SRGAP2B: variants seen among roughly 807,000 people sequenced by gnomAD.
The protein encoded by SRGAP2B is SLIT-ROBO Rho GTPase-activating protein 2B.
Under a neutral mutation model 22.2 loss-of-function variants are expected in SRGAP2B, and 9 were observed. The observed-to-expected ratio is 0.41, with a 90% CI of 0.24 to 0.71. The LOEUF is 0.71. Among genes scored for constraint, SRGAP2B ranks in the 30% least tolerant of loss-of-function variants. The probability of loss-of-function intolerance (pLI) is 0.35; values close to 1 mark genes in which losing one functional copy is unlikely to be tolerated. For missense variants in SRGAP2B, 114 were observed against 235.8 expected, an observed-to-expected ratio of 0.48 and a Z score of 3.38; for synonymous variants, 36 against 87.4, an observed-to-expected ratio of 0.41 and a Z score of 3.28.
intron 2 of SRGAP2B, among the ~76,000 whole-genome samples, chr1:144,998,819 C>T (rs1670898231): frequency 6.6e-6 from 1 of 150,872 alleles, no homozygotes; most frequent in African/African-American, 2.5e-5. Context: ...GCCTTAGGCG[C>T]TGCTGCTGCT....
chr1:144,939,606 C>A lies in SRGAP2B; in HGVS notation c.423+15833G>T, dbSNP rs587716842. 1.1e-4 allele frequency among the ~76,000 whole-genome samples: 16 copies of A among 146,046 alleles called. No individual in the cohort carries two copies. In the South Asian group the frequency reaches 3.3e-3, roughly 30 times the overall value. The stretch of plus-strand genomic sequence containing the variant: ...TGCCAACTTGAATACCGAGCAATTA[C>A]AGACAATAAAATAATATTATTAAAC... On this transcript the variant is annotated intron_variant, in intron 4 of 9. Transcript: ENST00000612199.
chr1:144,969,138 A>C (rs1553612796), intron 3 of SRGAP2B, among the ~76,000 whole-genome samples: 5 of 104,452 alleles, frequency 4.8e-5, no homozygotes, highest in Non-Finnish European at 7.2e-5. Flanking sequence ...AATTGGAAAA[A>C]ACTACTTTAA....
At position 145,023,741 on chromosome 1, in the gene SRGAP2B, T is replaced by G. The variant is rs1313807673; in HGVS notation, c.68-28541A>C. Among the ~76,000 whole-genome samples, 8 of 138,560 alleles carry G rather than the reference T, an allele frequency of 5.8e-5. 1 individual carries two copies. The highest frequency in any genetic ancestry group is 2.1e-4 in the African/African-American group (8 of 38,400). The allele number at this position is 138,560 out of a possible 152,430, so 90.9% of individuals were successfully genotyped here. On this transcript the variant is annotated intron_variant, in intron 2 of 9. Coordinates refer to ENST00000612199, the Ensembl canonical transcript of SRGAP2B. The stretch of plus-strand genomic sequence containing the variant: ...CAAATCTTTACTGAGCACCTACTAC[T>G]ATGCCCTGCGGGGAAAGACAAAAAA...
rs1671992351 is a variant in SRGAP2B, at chr1:145,010,731, C to T, written c.68-15531G>A. ...TCTGTTTATGTGTACCAAATGTTAACACTGGAAGAGAAAGTCCATACGCAC... is the reference window on the plus strand; with the variant it reads ...TCTGTTTATGTGTACCAAATGTTAATACTGGAAGAGAAAGTCCATACGCAC... On this transcript the variant is annotated intron_variant, in intron 2 of 9. Transcript: ENST00000612199. Among the ~76,000 whole-genome samples, 2 of 150,628 alleles carry T rather than the reference C, an allele frequency of 1.3e-5. 1 individual carries two copies. Among genetic ancestry groups the T allele is most frequent in the African/African-American group, 5.0e-5 (2 of 40,156 alleles).
rs6699793 is a variant in SRGAP2B, at chr1:145,015,626, G to A, written c.68-20426C>T. On this transcript the variant is annotated intron_variant, in intron 2 of 9. Transcript: ENST00000612199. The stretch of plus-strand genomic sequence containing the variant: ...CAAGAGGCTCGCAGAGGAGCTAGAC[G>A]TAAAGGATTGGAATTACCTATGGGA... Among the ~76,000 whole-genome samples the A allele has an allele frequency of 3.9e-3, 593 of 150,414 alleles. 16 individuals carry two copies. Among genetic ancestry groups the A allele is most frequent in the African/African-American group, 0.014 (556 of 40,036 alleles).
chr1:144,902,917 CG>C (rs1213269900), intron 7 of SRGAP2B, among the ~76,000 whole-genome samples: 27 of 60,224 alleles, frequency 4.5e-4, no homozygotes, highest in East Asian at 1.7e-3. Flanking sequence ...TCTTAGCAGA[CG>C]TTTTTTTTTT....
chr1:144,939,705 A>C lies in SRGAP2B; in HGVS notation c.423+15734T>G, dbSNP rs187634176. 5.4e-5 allele frequency among the ~76,000 whole-genome samples: 8 copies of C among 149,280 alleles called. No homozygotes were observed. The East Asian group carries it at 1.6e-3, about 29-fold the overall frequency. On this transcript the variant is annotated intron_variant, in intron 4 of 9. Transcript: ENST00000612199. ...AAGCAATACTTTTTTTTTTTCCTTC[A>C]GTCCCTGAAAGCTCAGGTAGACTAT... is the stretch of plus-strand genomic sequence containing the variant.
In SRGAP2B at chr1:144,911,671, G is replaced by T. The variant is rs1310861638; in HGVS notation, c.486+3021C>A. Among the ~76,000 whole-genome samples the T allele has an allele frequency of 2.0e-5, 3 of 147,774 alleles. 1 individual carries two copies. Among genetic ancestry groups the T allele is most frequent in the African/African-American group, 7.8e-5 (3 of 38,632 alleles). ...CTTGCTCTGTCCCCCAGGCTGGAGT[G>T]CAGTGGCACGATCTTGGCTCACTGC... On this transcript the variant is annotated intron_variant, in intron 5 of 9. Transcript: ENST00000612199.
chr1:144,913,764 GAAGAA>G (rs1426044486), intron 5 of SRGAP2B, among the ~76,000 whole-genome samples: 2 of 111,152 alleles, frequency 1.8e-5, no homozygotes, highest in Non-Finnish European at 3.6e-5. Context: ...AAAAACAAAG[GAAGAA>G]AAGAAAAGAA....
In SRGAP2B at chr1:144,940,451, A is replaced by G. The variant is rs112115113; in HGVS notation, c.423+14988T>C. Among the ~76,000 whole-genome samples, 530 of 150,374 alleles carry G rather than the reference A, an allele frequency of 3.5e-3. 5 individuals carry two copies. Among genetic ancestry groups the G allele is most frequent in the Non-Finnish European group, 5.0e-3 (337 of 67,946 alleles). Reference sequence around the variant, plus strand: ...AAAAACAAGTGATTTCCAAAAAGACAACGAGATTTTTAATTGCTTCTAGAT... The same window carrying G: ...AAAAACAAGTGATTTCCAAAAAGACGACGAGATTTTTAATTGCTTCTAGAT... On this transcript the variant is annotated intron_variant, in intron 4 of 9. Coordinates refer to ENST00000612199, the Ensembl canonical transcript of SRGAP2B.
In SRGAP2B at chr1:144,905,773, T is replaced by C. The variant is rs1662944299; in HGVS notation, c.702+86A>G. On this transcript the variant is annotated intron_variant, in intron 6 of 9. Transcript: ENST00000612199. ...GAACCCAGAGCTTCCTCGTCTGCTCTTCCCAGTGACTGTTGGGAAATTCCT... is the reference window on the plus strand; with the variant it reads ...GAACCCAGAGCTTCCTCGTCTGCTCCTCCCAGTGACTGTTGGGAAATTCCT... The C allele has an allele frequency of 1.7e-5, 12 of 708,910 alleles. No individual in the cohort carries two copies. In the Admixed American group the frequency reaches 2.0e-4, roughly 12 times the overall value. The allele number at this position is 708,910 out of a possible 1,614,324, so 43.9% of individuals were successfully genotyped here. A position where few individuals can be genotyped will look rare whatever the true frequency, so the allele number is the denominator to read the frequency against.
At chr1:144,997,298 G>A (rs1670761890) in intron 2 of SRGAP2B, among the ~76,000 whole-genome samples, 1 of 150,902 alleles carries the variant, frequency 6.6e-6, no homozygotes, top group South Asian at 2.1e-4. Context: ...AGGCATGGTG[G>A]CAGGTGCCTG....
chr1:144,925,747 G>GA (rs2101803957), intron 4 of SRGAP2B, among the ~76,000 whole-genome samples: 1 of 136,160 alleles, frequency 7.3e-6, no homozygotes, highest in East Asian at 2.3e-4. Context: ...AAGAAAGAAA[G>GA]AAAGAAAGAA....
chr1:144,909,370 G>A (rs1663235547), intron 5 of SRGAP2B, among the ~76,000 whole-genome samples: 1 of 144,924 alleles, frequency 6.9e-6, no homozygotes, highest in Non-Finnish European at 1.5e-5. Context: ...GGATCACGAG[G>A]TCAGGAGATT....
At chr1:144,955,260 T>C (rs1293544374) in intron 4 of SRGAP2B, among the ~76,000 whole-genome samples, 179 bp downstream of exon 4, 2 of 147,808 alleles carry the variant, frequency 1.4e-5, no homozygotes, top group East Asian at 4.0e-4. Flanking sequence ...CTTTCCAACT[T>C]TTATTTTAGG....
chr1:145,065,396 C>G (rs1553632225), intron 2 of SRGAP2B, among the ~76,000 whole-genome samples: 1 of 148,974 alleles, frequency 6.7e-6, no homozygotes, highest in Non-Finnish European at 1.5e-5. Context: ...CCTAGTCCAC[C>G]ACCCCACCAC....
chr1:144,951,210 C>G (rs587731124), intron 4 of SRGAP2B, among the ~76,000 whole-genome samples: 6 of 147,664 alleles, frequency 4.1e-5, no homozygotes, highest in South Asian at 4.3e-4. Context: ...GGGTCTGGCT[C>G]TGTTACTCAG....
intron 4 of SRGAP2B, chr1:144,918,392 A>T (rs1354966344): frequency 6.8e-6 from 1 of 148,042 alleles, no homozygotes; most frequent in Non-Finnish European, 1.5e-5. Flanking sequence ...TTTGAAACTC[A>T]CCACAACCAT....
intron 1 of SRGAP2B, among the ~76,000 whole-genome samples, chr1:145,093,931 T>C (rs1654206754): frequency 6.7e-6 from 1 of 148,900 alleles, no homozygotes; most frequent in Non-Finnish European, 1.5e-5. Context: ...GTTACTAGCT[T>C]CTCTTGGCAG....
Sources: gnomAD v4.1 joint callset for allele counts (sites outside exome capture counted in the v4.1 genomes callset) on GRCh38, gnomAD v4.1.1 for gene constraint, MANE v1.5 for transcripts, NCBI Gene and HGNC (gene_info 2026-07-23, HGNC 2026-07-21) for gene names.